TMCC1: variants seen among roughly 807,000 people sequenced by gnomAD.
The protein encoded by TMCC1 is transmembrane and coiled-coil domains protein 1.
Under a neutral mutation model 52.4 loss-of-function variants are expected in TMCC1, and 15 were observed. The ratio of observed to expected loss-of-function variants is 0.29; its 90% CI spans 0.19 to 0.44. The LOEUF is 0.44. Ranked by LOEUF, TMCC1 falls within the 20% of genes least tolerant of loss-of-function variation. The probability of loss-of-function intolerance (pLI) is 1.00; values close to 1 mark genes in which losing one functional copy is unlikely to be tolerated. For synonymous variants in TMCC1, 279 were observed against 301.9 expected (o/e 0.92, Z 0.79); for missense variants, 503 against 806.0 (o/e 0.62, Z 4.55).
At chr3:129,695,436 A>G (rs2047344834) in intron 4 of TMCC1, among the ~76,000 whole-genome samples, 1 of 152,178 alleles carries the variant, frequency 6.6e-6, no homozygotes. Flanking sequence ...TAATTTATAA[A>G]GGAAAGAGGT....
intron 4 of TMCC1, among the ~76,000 whole-genome samples, chr3:129,810,566 A>G (rs1347640723): frequency 1.3e-5 from 2 of 152,136 alleles, no homozygotes; most frequent in African/African-American, 4.8e-5. Flanking sequence ...AGTTCACCCT[A>G]TATCTTAAGG....
intron 4 of TMCC1, among the ~76,000 whole-genome samples, chr3:129,716,872 ACT>A (rs1422225741): frequency 6.6e-6 from 1 of 151,766 alleles, no homozygotes; most frequent in Non-Finnish European, 1.5e-5. Context: ...ATAAAAAGTC[ACT>A]CTCTTTATAC....
At chr3:129,754,376 A>C (rs1348653086) in intron 4 of TMCC1, among the ~76,000 whole-genome samples, 1 of 152,214 alleles carries the variant, frequency 6.6e-6, no homozygotes, top group Non-Finnish European at 1.5e-5. Context: ...AGTTATTCTA[A>C]AATTTACATG....
chr3:129,720,545 A>G (rs765030724), intron 4 of TMCC1, among the ~76,000 whole-genome samples: 22 of 152,260 alleles, frequency 1.4e-4, no homozygotes, highest in South Asian at 6.2e-4. Flanking sequence ...ACACATGAGG[A>G]AGGGAGGCCA....
chr3:129,682,143 T>C (rs913612207), intron 4 of TMCC1, among the ~76,000 whole-genome samples: 3 of 152,040 alleles, frequency 2.0e-5, no homozygotes, highest in African/African-American at 4.8e-5. Flanking sequence ...TTTTTAGAGA[T>C]AGGGTCTTGC....
chr3:129,706,115 T>C (rs2048216985), intron 4 of TMCC1, among the ~76,000 whole-genome samples: 1 of 150,848 alleles, frequency 6.6e-6, no homozygotes, highest in Admixed American at 6.6e-5. Flanking sequence ...GGTCTTGAAC[T>C]CTTGACCTCA....
In TMCC1 at chr3:129,874,984, C is replaced by T. The variant is rs572999791; in HGVS notation, c.-184+5325G>A. On this transcript the variant is annotated intron_variant, in intron 2 of 6. Transcript: ENST00000393238. Reference sequence around the variant, plus strand: ...CCTTATTCTCCACAATATTTGAGTACTGTCTTAAGTTGTCGGAAAGGAAAA... The same window carrying T: ...CCTTATTCTCCACAATATTTGAGTATTGTCTTAAGTTGTCGGAAAGGAAAA... 6.6e-5 allele frequency among the ~76,000 whole-genome samples: 10 copies of T among 152,262 alleles called. No homozygotes were observed. The East Asian group carries it at 1.5e-3, about 24-fold the overall frequency.
chr3:129,824,629 T>C (rs953638285), intron 4 of TMCC1, among the ~76,000 whole-genome samples: 1 of 151,936 alleles, frequency 6.6e-6, no homozygotes, highest in South Asian at 2.1e-4. Context: ...TGTAAGTTAC[T>C]TGCTTTGGCA....
intron 4 of TMCC1, among the ~76,000 whole-genome samples, chr3:129,723,363 T>TC (rs1156529341): frequency 3.5e-5 from 5 of 143,450 alleles, no homozygotes; most frequent in Non-Finnish European, 3.1e-5. Context: ...TCTTTTTCTT[T>TC]TTTTTTTTTT....
intron 4 of TMCC1, among the ~76,000 whole-genome samples, chr3:129,789,543 C>T (rs376902641): frequency 6.6e-5 from 10 of 152,262 alleles, no homozygotes; most frequent in East Asian, 1.9e-4. Context: ...TGCAGTGGCG[C>T]GATCTCGGCT....
At chr3:129,720,201 A>AAAAAAAAAAAAAAAAAAAAG (rs1560263938) in intron 4 of TMCC1, among the ~76,000 whole-genome samples, 49 of 151,290 alleles carry the variant, frequency 3.2e-4, no homozygotes, top group African/African-American at 1.2e-3. Context: ...AAAAAAAAAA[A>AAAAAAAAAAAAAAAAAAAAG]AGAGATGGAA....
intron 4 of TMCC1, among the ~76,000 whole-genome samples, chr3:129,688,919 AT>A (rs1317616210): frequency 6.6e-6 from 1 of 152,242 alleles, no homozygotes. Flanking sequence ...CTTAAAGAAG[AT>A]TAAAAACATT....
chr3:129,848,860 C>T (rs974906949), intron 2 of TMCC1, among the ~76,000 whole-genome samples: 9 of 151,678 alleles, frequency 5.9e-5, no homozygotes, highest in African/African-American at 2.2e-4. Context: ...TATGACCTGA[C>T]TTCCTACATC....
intron 4 of TMCC1, among the ~76,000 whole-genome samples, chr3:129,746,925 C>T (rs2052030719): frequency 6.6e-6 from 1 of 152,144 alleles, no homozygotes; most frequent in Non-Finnish European, 1.5e-5. Context: ...CATTGGGCAA[C>T]CTTTTTAATC....
At chr3:129,748,551 G>A (rs563079965) in intron 4 of TMCC1, among the ~76,000 whole-genome samples, 1 of 152,206 alleles carries the variant, frequency 6.6e-6, no homozygotes, top group Non-Finnish European at 1.5e-5. Flanking sequence ...GCCTCCCAAA[G>A]TGCTGGGATT....
intron 4 of TMCC1, among the ~76,000 whole-genome samples, chr3:129,752,870 T>C (rs758285620): frequency 6.6e-6 from 1 of 152,110 alleles, no homozygotes; most frequent in African/African-American, 2.4e-5. Context: ...GAAGCATGGC[T>C]GGGGAGGCCT....
At chr3:129,725,743 T>C (rs1461827873) in intron 4 of TMCC1, among the ~76,000 whole-genome samples, 1 of 152,148 alleles carries the variant, frequency 6.6e-6, no homozygotes, top group Admixed American at 6.5e-5. Flanking sequence ...AGTTTTAAGA[T>C]GCACAAGAAA....
intron 4 of TMCC1, among the ~76,000 whole-genome samples, chr3:129,734,618 G>A (rs1004866456): frequency 6.6e-6 from 1 of 152,148 alleles, no homozygotes; most frequent in Admixed American, 6.5e-5. Flanking sequence ...AGAAGGCAGA[G>A]GCTGCAGTGA....
At chr3:129,777,282 T>C (rs1388339985) in intron 4 of TMCC1, among the ~76,000 whole-genome samples, 7 of 152,178 alleles carry the variant, frequency 4.6e-5, no homozygotes, top group African/African-American at 1.4e-4. Flanking sequence ...AAATCTTCCT[T>C]TGACTGATCA....
Sources: allele counts gnomAD v4.1 joint callset (sites outside exome capture counted in the v4.1 genomes callset), GRCh38; gene constraint gnomAD v4.1.1; transcripts MANE v1.5; gene names NCBI Gene and HGNC (gene_info 2026-07-23, HGNC 2026-07-21).